Variants in PIWIL1 observed in about 807,000 individuals in gnomAD.
PIWIL1 encodes piwi like RNA-mediated gene silencing 1.
Under a neutral mutation model 114.4 loss-of-function variants are expected in PIWIL1, and 73 were observed. The ratio of observed to expected loss-of-function variants is 0.64; its 90% CI spans 0.53 to 0.78. The LOEUF (loss-of-function observed/expected upper bound fraction) is 0.78, where lower values mean the gene tolerates loss of function less well. PIWIL1 is among the 30% of genes least tolerant of loss of function. The probability of loss-of-function intolerance (pLI) is 0.00; values close to 1 mark genes in which losing one functional copy is unlikely to be tolerated. For missense variants in PIWIL1, 723 were observed against 1,063.1 expected (o/e 0.68, Z 4.45); for synonymous variants, 375 against 369.0 (o/e 1.02, Z -0.19).
the PIWIL1 span, among the ~76,000 whole-genome samples, chr12:130,393,194 T>C: frequency 6.7e-6 from 1 of 149,104 alleles, no homozygotes; most frequent in Non-Finnish European, 1.5e-5. Context: ...TATTGAATGT[T>C]GTGATGACCC....
chr12:130,383,809 G>A, the PIWIL1 span: 1 of 152,182 alleles, frequency 6.6e-6, no homozygotes, highest in Non-Finnish European at 1.5e-5. Context: ...ATGTTTCACT[G>A]TAGAAATTTC....
downstream of PIWIL1, among the ~76,000 whole-genome samples, chr12:130,375,627 C>A (rs937473042): frequency 6.6e-6 from 1 of 152,174 alleles, no homozygotes; most frequent in Non-Finnish European, 1.5e-5. Flanking sequence ...CTCCTTGTTT[C>A]CCTGCTTTAG....
the PIWIL1 span, among the ~76,000 whole-genome samples, chr12:130,415,604 A>G: frequency 6.6e-6 from 1 of 152,054 alleles, no homozygotes; most frequent in Non-Finnish European, 1.5e-5. Context: ...TAAGAAGTCA[A>G]ATTATCTCTC....
At chr12:130,363,299 T>A (rs2073565271) in intron 18 of PIWIL1, among the ~76,000 whole-genome samples, 155 bp downstream of exon 18, 1 of 152,142 alleles carries the variant, frequency 6.6e-6, no homozygotes, top group Non-Finnish European at 1.5e-5. Context: ...GAAGTTTCTA[T>A]TGGAAATTTT....
chr12:130,394,899 G>T, the PIWIL1 span, among the ~76,000 whole-genome samples: 2 of 147,724 alleles, frequency 1.4e-5, no homozygotes, highest in Non-Finnish European at 3.0e-5. Flanking sequence ...AACAGAAAAT[G>T]AAATTAAGAA....
the PIWIL1 span, chr12:130,396,321 C>A: frequency 6.6e-6 from 1 of 152,576 alleles, no homozygotes; most frequent in Non-Finnish European, 1.5e-5. Flanking sequence ...CATTTATAAA[C>A]CGTCCATAAA....
At chr12:130,407,902 G>C in the PIWIL1 span, 1 of 1,363,890 alleles carries the variant, frequency 7.3e-7, no homozygotes. Context: ...CCCTCCTTCC[G>C]GGTCACACAT....
At position 130,362,925 on chromosome 12, in the gene PIWIL1, T is replaced by C. The variant is rs2242362; in HGVS notation, c.2042-66T>C. The stretch of plus-strand genomic sequence containing the variant: ...ACTGTGTTATTGATGGGCCCAGACT[T>C]TGGGAAGAACAGACGAGTTGTGTCG... On this transcript the variant is annotated intron_variant, in intron 17 of 20. Coordinates refer to ENST00000245255, the MANE Select transcript of PIWIL1 (RefSeq NM_004764.5). 12,008 of 1,611,544 alleles carry C rather than the reference T, an allele frequency of 7.5e-3. 156 individuals carry two copies. Among genetic ancestry groups the C allele is most frequent in the East Asian group, 0.052 (2,332 of 44,844 alleles).
At chr12:130,396,176 T>TAA in the PIWIL1 span, 1 of 152,630 alleles carries the variant, frequency 6.6e-6, no homozygotes, top group South Asian at 2.1e-4. Context: ...TATTTTACAC[T>TAA]AACTGTGCAC....
At position 130,347,120 on chromosome 12, in the gene PIWIL1, A is replaced by G. The variant is rs1353216267; in HGVS notation, c.653+58A>G. On this transcript the variant is annotated intron_variant, in intron 6 of 20. Coordinates refer to ENST00000245255, the MANE Select transcript of PIWIL1 (RefSeq NM_004764.5). ...AACAGCAAAGTTGAAATAATTGTAC[A>G]TTGAACATCTGCATTCAGTTCTCCT... 10 of 1,241,202 alleles carry G rather than the reference A, an allele frequency of 8.1e-6. No homozygotes were observed. In the Admixed American group the frequency reaches 1.8e-4, roughly 23 times the overall value. The allele number at this position is 1,241,202 out of a possible 1,614,324, so 76.9% of individuals were successfully genotyped here. A position where few individuals can be genotyped will look rare whatever the true frequency, so the allele number is the denominator to read the frequency against.
the PIWIL1 span, among the ~76,000 whole-genome samples, chr12:130,413,122 G>C: frequency 3.3e-5 from 5 of 152,112 alleles, no homozygotes; most frequent in Non-Finnish European, 7.4e-5. Flanking sequence ...TACCAAGAAG[G>C]ACCAGGTAGG....
chr12:130,399,750 C>T, the PIWIL1 span: 6 of 1,614,134 alleles, frequency 3.7e-6, no homozygotes, highest in Admixed American at 1.7e-5. Context: ...TAGACTTCTA[C>T]GTCATCAGGC....
At chr12:130,392,436 C>CAT in the PIWIL1 span, among the ~76,000 whole-genome samples, 65 of 3,598 alleles carry the variant, frequency 0.018, no homozygotes, top group Non-Finnish European at 0.038. Context: ...ACCGTCATCA[C>CAT]GTGTCTGTCA....
At chr12:130,366,100 T>C (rs2073648294) in intron 18 of PIWIL1, among the ~76,000 whole-genome samples, 1 of 152,206 alleles carries the variant, frequency 6.6e-6, no homozygotes. Flanking sequence ...CTTCCCAGCA[T>C]TGGAAATCAA....
the PIWIL1 span, among the ~76,000 whole-genome samples, chr12:130,389,601 C>T: frequency 2.0e-5 from 3 of 151,816 alleles, no homozygotes; most frequent in Admixed American, 6.6e-5. Context: ...TTTATAAAAT[C>T]GGCTGTATGA....
the PIWIL1 span, among the ~76,000 whole-genome samples, chr12:130,395,312 A>T: frequency 6.6e-6 from 1 of 152,164 alleles, no homozygotes; most frequent in Non-Finnish European, 1.5e-5. Flanking sequence ...TCACCAGAAA[A>T]GGGAGATTGC....
Position 130,343,005 on chromosome 12 carries a change from T to G in PIWIL1, c.94T>G (p.Tyr32Asp), listed in dbSNP as rs75876550. The G allele has an allele frequency of 1.8e-3, 2,930 of 1,613,930 alleles. 54 individuals are homozygous for G. In the African/African-American group the frequency reaches 0.035, roughly 19 times the overall value. The change falls in exon 3 of 21, where the codon TAT becomes GAT. Residue 32 changes from tyrosine to aspartate, a missense_variant. Transcript: ENST00000245255. The part of the protein sequence containing the change: ...VGSTASQQPG[Y>D]IQPRPQPPPA... ...GTAACTACAGAGTCAGCAACCTGGT[T>G]ATATTCAGCCTAGGCCTCAGCCGCC...
At chr12:130,386,294 A>C in the PIWIL1 span, among the ~76,000 whole-genome samples, 33 of 152,212 alleles carry the variant, frequency 2.2e-4, no homozygotes, top group South Asian at 6.6e-3. Flanking sequence ...TTTCCTTATT[A>C]ATAAGGAAAT....
At chr12:130,403,535 TGATAA>T in the PIWIL1 span, among the ~76,000 whole-genome samples, 12 of 152,216 alleles carry the variant, frequency 7.9e-5, no homozygotes, top group Admixed American at 1.3e-4. Context: ...TGTTAAAAAC[TGATAA>T]GATAACCATT....
Sources: gnomAD v4.1 joint callset for allele counts (sites outside exome capture counted in the v4.1 genomes callset) on GRCh38, gnomAD v4.1.1 for gene constraint, MANE v1.5 for transcripts, NCBI Gene and HGNC (gene_info 2026-07-23, HGNC 2026-07-21) for gene names.